SLC4A1: variants seen among roughly 807,000 people sequenced by gnomAD.
The protein encoded by SLC4A1 is band 3 anion transport protein.
A neutral mutation model predicts 93.1 loss-of-function variants in SLC4A1; 29 were observed. That is an observed-to-expected ratio of 0.31 (90% CI 0.23 to 0.42). The LOEUF is 0.42. Among genes scored for constraint, SLC4A1 ranks in the 20% least tolerant of loss-of-function variants. The pLI is 1.00. For synonymous variants in SLC4A1, 469 were observed against 497.2 expected, an observed-to-expected ratio of 0.94 and a Z score of 0.76; for missense variants, 965 against 1,190.1, an observed-to-expected ratio of 0.81 and a Z score of 2.78.
rs200107906 is a variant in SLC4A1 at position 44,254,582 on chromosome 17, G to A, written c.1971C>T (p.Ser657=). ...CAAACATCATCCAGATGGGAAACTC[G>A]GAACGCAAGCCCAGTGGGTGGATGA... The part of the protein sequence containing the change: ...GWVIHPLGLR[S]EFPIWMMFAS... Residue 657 remains serine, a synonymous_variant, in exon 16 of 20, where the codon TCC becomes TCT. Coordinates refer to ENST00000262418, the MANE Select transcript of SLC4A1 (RefSeq NM_000342.4). 21 of 1,614,172 alleles carry A rather than the reference G, an allele frequency of 1.3e-5. No homozygotes were observed. The highest frequency in any genetic ancestry group is 2.2e-5 in the South Asian group (2 of 91,086).
intron 17 of SLC4A1, 70 bp from the exon 18 acceptor site, chr17:44,251,658 A>G (rs2047341323): frequency 7.0e-7 from 1 of 1,434,090 alleles, no homozygotes; most frequent in Non-Finnish European, 9.7e-7. Flanking sequence ...TCAGGCCCCT[A>G]TCTGGGGCTG....
At chr17:44,267,594 G>A (rs2047505125) in intron 1 of SLC4A1, among the ~76,000 whole-genome samples, 1 of 152,170 alleles carries the variant, frequency 6.6e-6, no homozygotes, top group Admixed American at 6.5e-5. Context: ...TACTGACCAC[G>A]CTGGGCGTGG....
At chr17:44,251,716 T>TTTTA in intron 17 of SLC4A1, 128 bp from the exon 18 acceptor site, 4 of 552,448 alleles carry the variant, frequency 7.2e-6, no homozygotes, top group Non-Finnish European at 1.1e-5. Context: ...TTTCCTTTTC[T>TTTTA]TTTCTTTTTT....
chr17:44,261,675 C>A (rs1378114189), intron 3 of SLC4A1, 39 bp from the exon 4 acceptor site: 14 of 1,613,994 alleles, frequency 8.7e-6, no homozygotes, highest in Middle Eastern at 3.3e-4. Flanking sequence ...CCTGACCGTC[C>A]CCCACCTGAG....
chr17:44,267,246 A>T (rs1322994169), intron 1 of SLC4A1, among the ~76,000 whole-genome samples: 1 of 152,170 alleles, frequency 6.6e-6, no homozygotes, highest in Non-Finnish European at 1.5e-5. Flanking sequence ...GACTGCCTGG[A>T]TTCAAAGCCC....
chr17:44,250,627 G>C (rs1450845352), intron 19 of SLC4A1, 89 bp from the exon 20 acceptor site: 1 of 976,524 alleles, frequency 1.0e-6, no homozygotes, highest in Non-Finnish European at 1.6e-6. Flanking sequence ...TCTGGAGTTA[G>C]GAGAGGGTCT....
intron 6 of SLC4A1, 151 bp downstream of exon 6, chr17:44,260,253 A>T: frequency 9.8e-7 from 1 of 1,016,658 alleles, no homozygotes; most frequent in Non-Finnish European, 1.5e-6. Flanking sequence ...ACCCCTTTCA[A>T]GGTGTCAGAG....
chr17:44,257,363 G>C lies in SLC4A1; in HGVS notation c.1613C>G (p.Ser538Cys). 1 of 1,613,996 alleles carries C rather than the reference G, an allele frequency of 6.2e-7. No homozygotes were observed. Among genetic ancestry groups the C allele is most frequent in the South Asian group, 1.1e-5 (1 of 91,072 alleles). Residue 538 changes from serine (S) to cysteine (C), a missense_variant, in exon 13 of 20, where the codon TCC becomes TGC. Ser to Cys is a moderately radical substitution (Grantham distance 112, BLOSUM62 -1). This residue lies in a region of SLC4A1 where 770 missense variants were observed against 1,006.6 expected (regional missense o/e 0.76). Coordinates refer to ENST00000262418, the MANE Select transcript of SLC4A1 (RefSeq NM_000342.4). ...ISLIFIYETF[S>C]KLIKIFQDHP... ...ATAGGCCCCCACCTTGATCAGCTTG[G>C]AGAAAGTCTCATAGATGAAGATGAG... is the stretch of plus-strand genomic sequence containing the variant.
rs1567826431 is a variant in SLC4A1 at position 44,248,848 on chromosome 17, C to CATTTTTTTTTTTTTTTTTTTTTT, written c.*1609_*1610insAAAAAAAAAAAAAAAAAAAAAAT. The CATTTTTTTTTTTTTTTTTTTTTT allele has an allele frequency of 8.6e-6, 1 of 115,730 alleles. No individual in the cohort carries two copies. The highest frequency in any genetic ancestry group is 1.6e-5 in the Non-Finnish European group (1 of 64,182). The allele number at this position is 115,730 out of a possible 1,614,324, so 7.2% of individuals were successfully genotyped here. On this transcript the variant is annotated 3_prime_UTR_variant, in exon 20 of 20. Coordinates refer to ENST00000262418, the MANE Select transcript of SLC4A1 (RefSeq NM_000342.4). Reference sequence around the variant, plus strand: ...GGCCCCCAAGGCTGATGTTTCCTTCCGTTTTTTTTTTTTTTTTTTTTTTTT... The same window carrying CATTTTTTTTTTTTTTTTTTTTTT: ...GGCCCCCAAGGCTGATGTTTCCTTCCATTTTTTTTTTTTTTTTTTTTTTGTTTTTTTTTTTTTTTTTTTTTTTT...
At position 44,250,543 on chromosome 17, in the gene SLC4A1, A is replaced by G. The variant is rs764029594; in HGVS notation, c.2656-5T>C. The G allele has an allele frequency of 8.7e-6, 14 of 1,612,500 alleles. No individual in the cohort carries two copies. The highest frequency in any genetic ancestry group is 2.5e-6 in the Non-Finnish European group (3 of 1,178,960). On this transcript the variant is annotated splice_polypyrimidine_tract_variant and splice_region_variant and intron_variant, in intron 19 of 19. Transcript: ENST00000262418. ...CTTGGCATCATCAGCATCCAGCTGG[A>G]GGGGAGGGACAGGAGAGAGACAGGG...
At chr17:44,257,636 C>T (rs754917263) in intron 12 of SLC4A1, 23 bp downstream of exon 12, 1 of 1,613,546 alleles carries the variant, frequency 6.2e-7, no homozygotes. Context: ...ATGACAGGGT[C>T]AGTGGGGCAA....
Position 44,259,480 on chromosome 17 carries a change from G to A in SLC4A1, c.694+17C>T, listed in dbSNP as rs780494690. ...CGAGGGGTGTGGAGGGCTGAGGGTA[G>A]AGATGCCTGTTCTTACCCACTAGCA... On this transcript the variant is annotated intron_variant, in intron 8 of 19. Coordinates refer to ENST00000262418, the MANE Select transcript of SLC4A1 (RefSeq NM_000342.4). The A allele has an allele frequency of 3.7e-6, 6 of 1,607,794 alleles. No homozygotes were observed. The highest frequency in any genetic ancestry group is 1.1e-5 in the South Asian group (1 of 90,990).
At chr17:44,254,774 A>G (rs1440631113) in intron 15 of SLC4A1, 112 bp from the exon 16 acceptor site, 2 of 873,310 alleles carry the variant, frequency 2.3e-6, no homozygotes, top group Non-Finnish European at 3.7e-6. Context: ...GGCACTTGGG[A>G]ACTTACTTAT....
chr17:44,254,388 C>A, intron 16 of SLC4A1, 108 bp downstream of exon 16: 2 of 1,048,796 alleles, frequency 1.9e-6, no homozygotes, highest in Non-Finnish European at 1.4e-6. Flanking sequence ...GGCCACACAC[C>A]CGCAGGGACT....
In SLC4A1 at chr17:44,257,721, G is replaced by C; in HGVS notation, c.1369C>G (p.Gln457Glu). The part of the protein sequence containing the change: ...QGILFALLGA[Q>E]PLLVVGFSGP... Reference sequence around the variant, plus strand: ...GAGAAGCCGACCACAAGCAGGGGCTGAGCCCCCAGCAGGGCGAAGAGAATG... The same window carrying C: ...GAGAAGCCGACCACAAGCAGGGGCTCAGCCCCCAGCAGGGCGAAGAGAATG... Residue 457 changes from glutamine to glutamate, a missense_variant, in exon 12 of 20, where the codon CAG becomes GAG. This residue lies in a region of SLC4A1 where 770 missense variants were observed against 1,006.6 expected (regional missense o/e 0.76). Transcript: ENST00000262418. 8 of 1,614,070 alleles carry C rather than the reference G, an allele frequency of 5.0e-6. No homozygotes were observed. Among genetic ancestry groups the C allele is most frequent in the South Asian group, 3.3e-5 (3 of 91,070 alleles).
At position 44,257,395 on chromosome 17, in the gene SLC4A1, G is replaced by A; in HGVS notation, c.1581C>T (p.Leu527=). ...SRYTQEIFSF[L]ISLIFIYETF... ...TCTCATAGATGAAGATGAGGGAAAT[G>A]AGGAAGGAGAAGATCTCCTGGGTAT... The change falls in exon 13 of 20, where the codon CTC becomes CTT. Residue 527 remains leucine (L), a synonymous_variant. Coordinates refer to ENST00000262418, the MANE Select transcript of SLC4A1 (RefSeq NM_000342.4). 1.2e-6 allele frequency: 2 copies of A among 1,614,104 alleles called. No homozygotes were observed. Among genetic ancestry groups the A allele is most frequent in the Non-Finnish European group, 1.7e-6 (2 of 1,180,022 alleles).
At chr17:44,263,690 C>T (rs12941767) in intron 1 of SLC4A1, among the ~76,000 whole-genome samples, 23 of 140,852 alleles carry the variant, frequency 1.6e-4, no homozygotes, top group African/African-American at 6.1e-4. Context: ...TTTTCCCTCC[C>T]TCCTTCCCTC....
At position 44,255,779 on chromosome 17, in the gene SLC4A1, C is replaced by G. The variant is rs551784583; in HGVS notation, c.1694G>C (p.Gly565Ala). The G allele has an allele frequency of 1.2e-4, 186 of 1,613,918 alleles. No individual in the cohort carries two copies. Among genetic ancestry groups the G allele is most frequent in the Non-Finnish European group, 1.5e-4 (175 of 1,180,010 alleles). The change falls in exon 14 of 20, where the codon GGC becomes GCC. Residue 565 changes from glycine to alanine, a missense_variant. Around this residue, in one of 2 missense-constraint regions of SLC4A1, gnomAD observed 770 missense variants for 1,006.6 expected, o/e 0.76. Coordinates refer to ENST00000262418, the MANE Select transcript of SLC4A1 (RefSeq NM_000342.4). Reference protein sequence around the residue: ...YNVLMVPKPQGPLPNTALLSL... With the variant: ...YNVLMVPKPQAPLPNTALLSL... ...GAGGAGGGCTGTGTTGGGCAGGGGG[C>G]CCTGAGGTTTGGGCACCATCAACAC...
chr17:44,250,234 A>C lies in SLC4A1; in HGVS notation c.*224T>G, dbSNP rs1598294574. On this transcript the variant is annotated 3_prime_UTR_variant, in exon 20 of 20. Coordinates refer to ENST00000262418, the MANE Select transcript of SLC4A1 (RefSeq NM_000342.4). ...GGCAACAGGAGGGACTGTGCAACAA[A>C]CCCCCTAATGTGGGCCCCATCGGCC... is the stretch of plus-strand genomic sequence containing the variant. The C allele has an allele frequency of 1.9e-6, 1 of 540,426 alleles. No individual in the cohort carries two copies. Among genetic ancestry groups the C allele is most frequent in the Non-Finnish European group, 3.4e-6 (1 of 296,620 alleles). 33.5% of individuals were successfully genotyped at this position (540,426 alleles called of 1,614,324 possible).
Sources: allele counts gnomAD v4.1 joint callset (sites outside exome capture counted in the v4.1 genomes callset), GRCh38; gene constraint gnomAD v4.1.1; regional missense constraint gnomAD v4.1.1; transcripts MANE v1.5; gene names NCBI Gene and HGNC (gene_info 2026-07-23, HGNC 2026-07-21).